ADAR: variants seen among roughly 807,000 people sequenced by gnomAD.
The protein encoded by ADAR is double-stranded RNA-specific adenosine deaminase.
A neutral mutation model predicts 113.2 loss-of-function variants in ADAR; 41 were observed. The ratio of observed to expected loss-of-function variants is 0.36; its 90% CI spans 0.28 to 0.47. The LOEUF (loss-of-function observed/expected upper bound fraction) is 0.47, where lower values mean the gene tolerates loss of function less well. Ranked by LOEUF, ADAR falls within the 20% of genes least tolerant of loss-of-function variation. The pLI is 1.00. For missense variants in ADAR, 1,242 were observed against 1,540.9 expected (o/e 0.81, Z 3.25); for synonymous variants, 605 against 572.6 (o/e 1.06, Z -0.81).
intron 6 of ADAR, among the ~76,000 whole-genome samples, chr1:154,594,162 G>A (rs921770328): frequency 2.6e-5 from 4 of 152,178 alleles, no homozygotes; most frequent in Non-Finnish European, 4.4e-5. Flanking sequence ...GATTATAGGC[G>A]TAAGCCACTG....
chr1:154,605,089 A>C (rs1025462609), intron 1 of ADAR, among the ~76,000 whole-genome samples: 1 of 152,126 alleles, frequency 6.6e-6, no homozygotes, highest in Non-Finnish European at 1.5e-5. Context: ...TCCTGGCCTC[A>C]TCTCCTGGAT....
upstream of ADAR, among the ~76,000 whole-genome samples, chr1:154,610,308 A>G (rs1698442909): frequency 6.6e-6 from 1 of 152,160 alleles, no homozygotes; most frequent in Non-Finnish European, 1.5e-5. Flanking sequence ...AACAACCCAA[A>G]TGTCCATCAA....
chr1:154,588,351 T>TTC (rs1696902362), intron 10 of ADAR, 93 bp from the exon 11 acceptor site: 1 of 1,593,296 alleles, frequency 6.3e-7, no homozygotes, highest in Non-Finnish European at 8.6e-7. Context: ...AAGCAAGGGA[T>TTC]GTTTTCTAAG....
chr1:154,627,914 A>AGCCTCCCCCCCCCCCCCCCCC, exon 1 of ADAR: 1 of 463,318 alleles, frequency 2.2e-6, no homozygotes, highest in Non-Finnish European at 4.2e-6. Flanking sequence ...TGCGGCCGCG[A>AGCCTCCCCCCCCCCCCCCCCC]CCCTCCCCCC....
In ADAR at chr1:154,597,919, G is replaced by A. The variant is rs1179154225; in HGVS notation, c.1843C>T (p.Pro615Ser). 6.2e-7 allele frequency: 1 copy of A among 1,614,012 alleles called. No individual in the cohort carries two copies. Among genetic ancestry groups the A allele is most frequent in the Non-Finnish European group, 8.5e-7 (1 of 1,180,030 alleles). Residue 615 changes from proline (P) to serine (S), a missense_variant, in exon 4 of 15, where the codon CCC becomes TCC. Around this residue, in one of 2 missense-constraint regions of ADAR, gnomAD observed 780 missense variants for 1,057.9 expected, o/e 0.74. Transcript: ENST00000368474. ...SATSFFSGKS[P>S]VTTLLECMHK... is the part of the protein sequence containing the mutation. ...ATACACTCAAGCAGTGTGGTGACGG[G>A]GCTCTTCCCAGAAAAGAAGGATGTG...
upstream of ADAR, among the ~76,000 whole-genome samples, chr1:154,609,024 T>C (rs1299382953): frequency 1.3e-5 from 2 of 152,090 alleles, no homozygotes; most frequent in South Asian, 2.1e-4. Context: ...ACCAGGCAAA[T>C]GGTTAAGTAC....
At chr1:154,625,138 T>G (rs1237240299) in intron 1 of ADAR, among the ~76,000 whole-genome samples, 2 of 152,188 alleles carry the variant, frequency 1.3e-5, no homozygotes, top group Non-Finnish European at 2.9e-5. Context: ...AAACCTTGGT[T>G]CATATCTGGA....
intron 6 of ADAR, among the ~76,000 whole-genome samples, chr1:154,595,192 G>A (rs563468061): frequency 1.3e-5 from 2 of 152,170 alleles, no homozygotes; most frequent in South Asian, 4.1e-4. Flanking sequence ...ACTCGACTGT[G>A]AACTGTGAAT....
At position 154,625,339 on chromosome 1, in the gene ADAR, G is replaced by A. The variant is rs80099877; in HGVS notation, c.-871+2516C>T. 8.7e-3 allele frequency among the ~76,000 whole-genome samples: 1,330 copies of A among 152,236 alleles called. 19 individuals are homozygous for A. The highest frequency in any genetic ancestry group is 0.031 in the African/African-American group (1,278 of 41,532). On this transcript the variant is annotated intron_variant, in intron 1 of 14. Coordinates refer to the ADAR transcript ENST00000368471. ...TCAAACCACATAGCCTGATGAGCAA[G>A]GGCAAGAGCAAGACTTGCTAGACAC...
At chr1:154,593,244 C>T (rs1697281788) in intron 6 of ADAR, among the ~76,000 whole-genome samples, 1 of 151,450 alleles carries the variant, frequency 6.6e-6, no homozygotes, top group Non-Finnish European at 1.5e-5. Context: ...CATTAAGAAG[C>T]AACTAAAGTA....
At position 154,585,053 on chromosome 1, in the gene ADAR, C is replaced by A; in HGVS notation, c.3444-10G>T. 6.2e-7 allele frequency: 1 copy of A among 1,613,490 alleles called. No homozygotes were observed. The highest frequency in any genetic ancestry group is 8.5e-7 in the Non-Finnish European group (1 of 1,179,738). ...CAATTCATTCCGTGGCCTAGAGAAACAAAAGCACTCATTATTCACCTGGGA... is the reference window on the plus strand; with the variant it reads ...CAATTCATTCCGTGGCCTAGAGAAAAAAAAGCACTCATTATTCACCTGGGA... On this transcript the variant is annotated splice_polypyrimidine_tract_variant and intron_variant, in intron 14 of 14. Coordinates refer to ENST00000368474, the MANE Select transcript of ADAR (RefSeq NM_001111.5).
At chr1:154,606,493 T>C (rs1472654706) in intron 1 of ADAR, among the ~76,000 whole-genome samples, 2 of 152,198 alleles carry the variant, frequency 1.3e-5, no homozygotes, top group Admixed American at 6.5e-5. Flanking sequence ...AATGTGTATG[T>C]GTGCGCACAA....
chr1:154,599,429 T>C lies in ADAR; in HGVS notation c.1602-844A>G, dbSNP rs565896940. Among the ~76,000 whole-genome samples the C allele has an allele frequency of 4.6e-5, 7 of 152,278 alleles. No homozygotes were observed. In the East Asian group the frequency reaches 1.2e-3, roughly 25 times the overall value. ...TTCCTCCAACTCTGGGGAGGAGGGA[T>C]GGAGGCAAAAGAGAATGACGGCCAT... is the stretch of plus-strand genomic sequence containing the variant. On this transcript the variant is annotated intron_variant, in intron 2 of 14. Transcript: ENST00000368474.
At chr1:154,590,444 C>T in intron 6 of ADAR, 35 bp from the exon 7 acceptor site, 1 of 1,596,540 alleles carries the variant, frequency 6.3e-7, no homozygotes. Flanking sequence ...AAGACAAGTG[C>T]CAGACCCTGA....
Position 154,597,104 on chromosome 1 carries a change from G to A in ADAR, c.2079+19C>T, listed in dbSNP as rs754677757. 5 of 1,614,078 alleles carry A rather than the reference G, an allele frequency of 3.1e-6. No homozygotes were observed. In the African/African-American group the frequency reaches 6.7e-5, roughly 22 times the overall value. ...TTGCTAAAAATGACCTGTATCTTTTGAGTAGGAAAACGCCCTACCTGGTTA... is the reference window on the plus strand; with the variant it reads ...TTGCTAAAAATGACCTGTATCTTTTAAGTAGGAAAACGCCCTACCTGGTTA... On this transcript the variant is annotated intron_variant, in intron 5 of 14. Coordinates refer to ENST00000368474, the MANE Select transcript of ADAR (RefSeq NM_001111.5).
upstream of ADAR, chr1:154,608,263 C>T (rs984946981): frequency 4.0e-6 from 2 of 500,748 alleles, no homozygotes; most frequent in Non-Finnish European, 7.0e-6. Context: ...GCAAATCTTG[C>T]GCCACGCTTG....
chr1:154,598,781 T>G (rs951047192), intron 2 of ADAR, among the ~76,000 whole-genome samples, 196 bp from the exon 3 acceptor site: 2 of 152,180 alleles, frequency 1.3e-5, no homozygotes, highest in African/African-American at 4.8e-5. Context: ...AAGCAGCCAG[T>G]GACTCTTTCC....
chr1:154,598,059 G>A (rs139977678), intron 3 of ADAR, 83 bp from the exon 4 acceptor site: 5 of 1,484,438 alleles, frequency 3.4e-6, no homozygotes, highest in East Asian at 4.9e-5. Context: ...GGGGATGGGG[G>A]ACTTTATTCC....
chr1:154,589,572 A>C, intron 8 of ADAR, 110 bp from the exon 9 acceptor site: 1 of 1,217,166 alleles, frequency 8.2e-7, no homozygotes, highest in Non-Finnish European at 1.2e-6. Flanking sequence ...TCAGTTTCTC[A>C]GATCCTAGAC....
Sources: gnomAD v4.1 joint callset for allele counts (sites outside exome capture counted in the v4.1 genomes callset) on GRCh38, gnomAD v4.1.1 for gene constraint, gnomAD v4.1.1 regional missense constraint, MANE v1.5 for transcripts, NCBI Gene and HGNC (gene_info 2026-07-23, HGNC 2026-07-21) for gene names.